The following DCC variants were observed in gnomAD, a reference collection of about 807,000 sequenced individuals.
DCC encodes netrin receptor DCC.
In DCC, 58 loss-of-function variants were observed where a neutral mutation model predicts 172.5. The observed-to-expected ratio is 0.34, with a 90% CI of 0.27 to 0.42. The LOEUF (loss-of-function observed/expected upper bound fraction) is 0.42, where lower values mean the gene tolerates loss of function less well. DCC is among the 10% of genes least tolerant of loss of function. DCC has a pLI of 1.00. For missense variants in DCC, 1,740 were observed against 1,791.0 expected, an observed-to-expected ratio of 0.97 and a Z score of 0.51; for synonymous variants, 709 against 644.5, an observed-to-expected ratio of 1.10 and a Z score of -1.52.
intron 12 of DCC, among the ~76,000 whole-genome samples, chr18:53,228,120 A>C (rs971558703): frequency 1.3e-5 from 2 of 152,160 alleles, no homozygotes; most frequent in Non-Finnish European, 2.9e-5. Context: ...CTATATTTCA[A>C]TATTTCCAAG....
At chr18:53,033,541 C>T (rs760520678) in intron 5 of DCC, among the ~76,000 whole-genome samples, 9 of 152,100 alleles carry the variant, frequency 5.9e-5, no homozygotes, top group Non-Finnish European at 8.8e-5. Flanking sequence ...TCTATGTTTG[C>T]GTCCTGCATG....
At chr18:52,548,721 T>C (rs1265607281) in intron 1 of DCC, among the ~76,000 whole-genome samples, 1 of 152,092 alleles carries the variant, frequency 6.6e-6, no homozygotes. Flanking sequence ...AAGTGTTGGA[T>C]GGCATTTCAG....
intron 2 of DCC, among the ~76,000 whole-genome samples, chr18:52,803,108 T>C (rs1322899450): frequency 6.6e-6 from 1 of 152,212 alleles, no homozygotes; most frequent in Non-Finnish European, 1.5e-5. Flanking sequence ...TTCGGCCTTT[T>C]CTTGTAATGT....
chr18:53,511,745 T>G (rs2046256279), intron 27 of DCC, among the ~76,000 whole-genome samples: 1 of 152,158 alleles, frequency 6.6e-6, no homozygotes, highest in South Asian at 2.1e-4. Context: ...ATACTGGGCT[T>G]TTCCAATGGG....
At chr18:52,722,223 A>G (rs904987311) in intron 1 of DCC, among the ~76,000 whole-genome samples, 13 of 152,220 alleles carry the variant, frequency 8.5e-5, no homozygotes, top group East Asian at 1.9e-4. Flanking sequence ...TTGAATTTCA[A>G]TACAAGTTTA....
intron 12 of DCC, among the ~76,000 whole-genome samples, chr18:53,286,175 A>G (rs866762394): frequency 5.9e-5 from 9 of 152,182 alleles, no homozygotes; most frequent in African/African-American, 9.6e-5. Flanking sequence ...ATGTGAGAAC[A>G]TGAGATTTTT....
intron 1 of DCC, among the ~76,000 whole-genome samples, chr18:52,668,909 T>G (rs1161531341): frequency 6.6e-6 from 1 of 152,206 alleles, no homozygotes; most frequent in Non-Finnish European, 1.5e-5. Flanking sequence ...AACCACCCAG[T>G]GGGTTCACCC....
At chr18:52,539,390 T>C (rs2032376993) in intron 1 of DCC, among the ~76,000 whole-genome samples, 1 of 152,058 alleles carries the variant, frequency 6.6e-6, no homozygotes, top group South Asian at 2.1e-4. Flanking sequence ...CGTGGACTAG[T>C]ATTGGTCCAT....
chr18:52,882,082 C>A (rs573118312), intron 2 of DCC, among the ~76,000 whole-genome samples: 1 of 151,912 alleles, frequency 6.6e-6, no homozygotes, highest in South Asian at 2.1e-4. Context: ...CTTTTTATTT[C>A]TTTTTCAGAT....
intron 5 of DCC, among the ~76,000 whole-genome samples, chr18:53,035,981 C>T (rs757758014): frequency 8.5e-5 from 13 of 152,110 alleles, no homozygotes; most frequent in African/African-American, 3.1e-4. Flanking sequence ...ACCAACTCTA[C>T]TTATTTTTAT....
At chr18:52,424,068 A>T (rs749302694) in intron 1 of DCC, among the ~76,000 whole-genome samples, 24 of 152,044 alleles carry the variant, frequency 1.6e-4, no homozygotes, top group Admixed American at 2.6e-4. Context: ...TCCTTTGTGG[A>T]TGTTGATGAA....
chr18:53,001,910 A>G (rs2041570521), intron 5 of DCC, among the ~76,000 whole-genome samples: 1 of 152,114 alleles, frequency 6.6e-6, no homozygotes, highest in Non-Finnish European at 1.5e-5. Flanking sequence ...TTTACAACTG[A>G]GCAAATTACT....
chr18:52,482,145 A>ACACTTG (rs985808935), intron 1 of DCC, among the ~76,000 whole-genome samples: 1 of 151,966 alleles, frequency 6.6e-6, no homozygotes, highest in Admixed American at 6.6e-5. Flanking sequence ...CACCACACAA[A>ACACTTG]CACTTGCACT....
intron 2 of DCC, among the ~76,000 whole-genome samples, chr18:52,808,067 C>T (rs1568117165): frequency 6.6e-6 from 1 of 152,216 alleles, no homozygotes; most frequent in East Asian, 1.9e-4. Context: ...AAATGTGATG[C>T]CTTCATTTTG....
intron 1 of DCC, among the ~76,000 whole-genome samples, chr18:52,481,137 A>G (rs1411891809): frequency 6.6e-6 from 1 of 152,190 alleles, no homozygotes; most frequent in Non-Finnish European, 1.5e-5. Flanking sequence ...TGAGGTTTAA[A>G]TATTTTACTT....
chr18:53,036,094 T>G (rs1183495698), intron 5 of DCC, among the ~76,000 whole-genome samples: 2 of 152,014 alleles, frequency 1.3e-5, no homozygotes, highest in Non-Finnish European at 2.9e-5. Context: ...CAATTTATCT[T>G]TCTTTCAGAT....
Position 53,191,382 on chromosome 18 carries a change from A to G in DCC, c.1573+12266A>G, listed in dbSNP as rs370811736. Reference sequence around the variant, plus strand: ...AAATTAAACAGCTTGATTAATTTTTATCACTTTGGATATAATATGTTTTGT... The same window carrying G: ...AAATTAAACAGCTTGATTAATTTTTGTCACTTTGGATATAATATGTTTTGT... On this transcript the variant is annotated intron_variant, in intron 9 of 28. Transcript: ENST00000442544. Among the ~76,000 whole-genome samples the G allele has an allele frequency of 2.6e-5, 4 of 152,308 alleles. No homozygotes were observed. The East Asian group carries it at 7.7e-4, about 29-fold the overall frequency.
chr18:52,448,330 T>A lies in DCC; in HGVS notation c.91+107452T>A, dbSNP rs768514802. ...TGTCTTCCACGAATTCGGTCCCTCATGCCAAAAAGGTCAGAGACTGCTGCT... is the reference window on the plus strand; with the variant it reads ...TGTCTTCCACGAATTCGGTCCCTCAAGCCAAAAAGGTCAGAGACTGCTGCT... On this transcript the variant is annotated intron_variant, in intron 1 of 28. Coordinates refer to ENST00000442544, the MANE Select transcript of DCC (RefSeq NM_005215.4). 2.0e-5 allele frequency among the ~76,000 whole-genome samples: 3 copies of A among 152,174 alleles called. No individual in the cohort carries two copies. The East Asian group carries it at 5.8e-4, about 29-fold the overall frequency.
At chr18:52,762,409 G>C (rs372797507) in intron 2 of DCC, among the ~76,000 whole-genome samples, 22 of 152,112 alleles carry the variant, frequency 1.4e-4, no homozygotes, top group African/African-American at 4.3e-4. Flanking sequence ...GGAGATCAAG[G>C]CTGCTGTAAG....
Sources: gnomAD v4.1 joint callset for allele counts (sites outside exome capture counted in the v4.1 genomes callset) on GRCh38, gnomAD v4.1.1 for gene constraint, MANE v1.5 for transcripts, NCBI Gene and HGNC (gene_info 2026-07-23, HGNC 2026-07-21) for gene names.